ADAM32: variants seen among roughly 807,000 people sequenced by gnomAD.
ADAM32 encodes disintegrin and metalloproteinase domain-containing protein 32.
Under a neutral mutation model 114.9 loss-of-function variants are expected in ADAM32, and 89 were observed. The ratio of observed to expected loss-of-function variants is 0.77; its 90% CI spans 0.65 to 0.92. The LOEUF (loss-of-function observed/expected upper bound fraction) is 0.92. Among genes scored for constraint, ADAM32 ranks in the 40% least tolerant of loss-of-function variants. The pLI is 0.00. For synonymous variants in ADAM32, 285 were observed against 307.5 expected, an observed-to-expected ratio of 0.93 and a Z score of 0.77; for missense variants, 870 against 932.8, an observed-to-expected ratio of 0.93 and a Z score of 0.88.
chr8:39,220,607 G>T (rs1808893258), intron 12 of ADAM32, among the ~76,000 whole-genome samples: 1 of 151,632 alleles, frequency 6.6e-6, no homozygotes, highest in Admixed American at 6.6e-5. Context: ...GTTTTGTTAT[G>T]CTGTGTTTCT....
chr8:39,203,533 G>T (rs537222876), intron 11 of ADAM32, among the ~76,000 whole-genome samples: 1 of 152,240 alleles, frequency 6.6e-6, no homozygotes, highest in South Asian at 2.1e-4. Flanking sequence ...GTCTCTGCAT[G>T]GGAGATGGGT....
At chr8:39,213,720 TA>T (rs1004099319) in intron 12 of ADAM32, among the ~76,000 whole-genome samples, 10 of 152,166 alleles carry the variant, frequency 6.6e-5, no homozygotes, top group African/African-American at 1.9e-4. Context: ...ACAACTAGAT[TA>T]TTTTTGACTG....
intron 6 of ADAM32, among the ~76,000 whole-genome samples, chr8:39,154,630 G>A (rs1325159428): frequency 2.6e-5 from 4 of 152,188 alleles, no homozygotes; most frequent in Non-Finnish European, 5.9e-5. Context: ...CTTTCACAAT[G>A]GTTGAACTAA....
intron 2 of ADAM32, among the ~76,000 whole-genome samples, chr8:39,124,663 C>T (rs1043500379): frequency 6.6e-6 from 1 of 152,142 alleles, no homozygotes; most frequent in Non-Finnish European, 1.5e-5. Context: ...TGATCCACCG[C>T]CTTGGCCTCC....
At chr8:39,163,238 G>A (rs1003874007) in intron 7 of ADAM32, among the ~76,000 whole-genome samples, 2 of 152,102 alleles carry the variant, frequency 1.3e-5, no homozygotes, top group African/African-American at 4.8e-5. Context: ...TTACTACTCA[G>A]GTATATTGAA....
At chr8:39,118,663 T>C (rs950979514) in intron 2 of ADAM32, among the ~76,000 whole-genome samples, 26 of 152,180 alleles carry the variant, frequency 1.7e-4, no homozygotes, top group Non-Finnish European at 1.0e-4. Flanking sequence ...ATGCCAGGTG[T>C]CTTAGGAGAT....
intron 14 of ADAM32, among the ~76,000 whole-genome samples, chr8:39,226,719 A>G (rs1809394643): frequency 6.6e-6 from 1 of 152,176 alleles, no homozygotes; most frequent in Non-Finnish European, 1.5e-5. Flanking sequence ...AAGACAAACA[A>G]AAGCTCAAGG....
chr8:39,255,388 C>T (rs1811591061), intron 18 of ADAM32, among the ~76,000 whole-genome samples: 1 of 151,924 alleles, frequency 6.6e-6, no homozygotes, highest in South Asian at 2.1e-4. Flanking sequence ...ATGCCAACAT[C>T]TATTATTTTT....
intron 3 of ADAM32, among the ~76,000 whole-genome samples, chr8:39,137,615 A>T (rs1049221073): frequency 6.6e-6 from 1 of 152,130 alleles, no homozygotes; most frequent in East Asian, 1.9e-4. Flanking sequence ...ACTAAAAAAT[A>T]CAAAAATTAG....
intron 1 of ADAM32, among the ~76,000 whole-genome samples, chr8:39,115,111 T>G (rs2129444173): frequency 6.6e-6 from 1 of 152,346 alleles, no homozygotes; most frequent in South Asian, 2.1e-4. Flanking sequence ...CTTTATCCAG[T>G]CCACCACTGA....
At chr8:39,267,842 G>A (rs1812463513) in intron 19 of ADAM32, among the ~76,000 whole-genome samples, 2 of 152,294 alleles carry the variant, frequency 1.3e-5, no homozygotes, top group South Asian at 4.1e-4. Context: ...ATCAGTTTCG[G>A]CAGGAGTAGC....
chr8:39,251,378 CAA>C lies in ADAM32; in HGVS notation c.1903-3027_1903-3026del, dbSNP rs80261294. On this transcript the variant is annotated intron_variant, in intron 17 of 24. Coordinates refer to ENST00000379907, the MANE Select transcript of ADAM32 (RefSeq NM_145004.7). Reference sequence around the variant, plus strand: ...TATCAAAAAGATGGTCTTTTTGTTACAAAAAAAAAATGGCTTTTATAAGCCAT... The same window carrying C: ...TATCAAAAAGATGGTCTTTTTGTTACAAAAAAAATGGCTTTTATAAGCCAT... 5.9e-3 allele frequency among the ~76,000 whole-genome samples: 873 copies of C among 148,198 alleles called. 11 individuals are homozygous for C. The highest frequency in any genetic ancestry group is 0.02 in the African/African-American group (826 of 40,608).
intron 10 of ADAM32, among the ~76,000 whole-genome samples, chr8:39,181,223 G>C (rs947807760): frequency 3.3e-5 from 5 of 152,148 alleles, no homozygotes; most frequent in African/African-American, 1.2e-4. Context: ...CTGCTTTTAT[G>C]AGCTGTAACA....
chr8:39,129,152 G>A (rs986540489), intron 2 of ADAM32, among the ~76,000 whole-genome samples: 3 of 149,010 alleles, frequency 2.0e-5, no homozygotes, highest in African/African-American at 7.4e-5. Flanking sequence ...GGATTCTTTG[G>A]GAGTTTCTAC....
At chr8:39,163,217 T>G (rs1232994308) in intron 7 of ADAM32, among the ~76,000 whole-genome samples, 1 of 152,172 alleles carries the variant, frequency 6.6e-6, no homozygotes, top group Non-Finnish European at 1.5e-5. Context: ...TGTTTTAAAA[T>G]GTAGGTTTTA....
intron 3 of ADAM32, among the ~76,000 whole-genome samples, chr8:39,145,623 T>C (rs1264135308): frequency 6.6e-6 from 1 of 152,180 alleles, no homozygotes; most frequent in African/African-American, 2.4e-5. Context: ...TCTATCATTA[T>C]CACTGAAGAA....
At chr8:39,170,415 A>C (rs1266790318) in intron 10 of ADAM32, among the ~76,000 whole-genome samples, 1 of 152,142 alleles carries the variant, frequency 6.6e-6, no homozygotes, top group East Asian at 1.9e-4. Flanking sequence ...AAAGACAGTA[A>C]AATAAACTTT....
At chr8:39,124,509 C>T (rs930683544) in intron 2 of ADAM32, among the ~76,000 whole-genome samples, 2 of 151,882 alleles carry the variant, frequency 1.3e-5, no homozygotes, top group Admixed American at 1.3e-4. Context: ...GCTCCACCTC[C>T]CGGGTTCATG....
At chr8:39,258,196 CAT>C (rs1226163592) in intron 19 of ADAM32, among the ~76,000 whole-genome samples, 1 of 151,328 alleles carries the variant, frequency 6.6e-6, no homozygotes, top group Non-Finnish European at 1.5e-5. Context: ...TAGTTTGAAA[CAT>C]GTAACTTTTG....
Sources: allele counts gnomAD v4.1 joint callset (sites outside exome capture counted in the v4.1 genomes callset), GRCh38; gene constraint gnomAD v4.1.1; transcripts MANE v1.5; gene names NCBI Gene and HGNC (gene_info 2026-07-23, HGNC 2026-07-21).